Variants in SEMA6D observed in about 807,000 individuals in gnomAD.
SEMA6D encodes the protein semaphorin-6D.
SEMA6D carries 35 observed loss-of-function variants against 106.6 expected under a neutral mutation model. The ratio of observed to expected loss-of-function variants is 0.33; its 90% CI spans 0.25 to 0.44. The LOEUF is 0.44. Among genes scored for constraint, SEMA6D ranks in the 20% least tolerant of loss-of-function variants. The pLI, the probability that SEMA6D is intolerant of heterozygous loss-of-function variation, is 1.00. For synonymous variants in SEMA6D, 499 were observed against 487.7 expected, an observed-to-expected ratio of 1.02 and a Z score of -0.31; for missense variants, 1,185 against 1,345.9, an observed-to-expected ratio of 0.88 and a Z score of 1.87.
intron 3 of SEMA6D, among the ~76,000 whole-genome samples, chr15:47,563,578 A>G (rs955511095): frequency 6.6e-6 from 1 of 152,084 alleles, no homozygotes; most frequent in Non-Finnish European, 1.5e-5. Context: ...TTAGTTCCCA[A>G]TAGCACTTTA....
chr15:47,712,391 C>T (rs2079038438), intron 4 of SEMA6D, among the ~76,000 whole-genome samples: 1 of 152,120 alleles, frequency 6.6e-6, no homozygotes, highest in South Asian at 2.1e-4. Flanking sequence ...TCTAGGCTAC[C>T]ACCTACTAGG....
chr15:47,404,730 T>C (rs2040505042), intron 1 of SEMA6D, among the ~76,000 whole-genome samples: 1 of 152,208 alleles, frequency 6.6e-6, no homozygotes, highest in African/African-American at 2.4e-5. Flanking sequence ...GCTATTTTGC[T>C]AAAAGCGTGT....
At position 47,285,396 on chromosome 15, in the gene SEMA6D, T is replaced by C. The variant is rs753246919; in HGVS notation, c.-239+100978T>C. ...AAAAGAAAATGGGTAACAAACCTTG[T>C]TTCTTACTTTATTGGAGAGGAGTTC... is the stretch of plus-strand genomic sequence containing the variant. On this transcript the variant is annotated intron_variant, in intron 1 of 19. Transcript: ENST00000558014. Among the ~76,000 whole-genome samples the C allele has an allele frequency of 5.9e-5, 9 of 152,220 alleles. No homozygotes were observed. The South Asian group carries it at 1.2e-3, about 21-fold the overall frequency.
intron 3 of SEMA6D, among the ~76,000 whole-genome samples, chr15:47,600,465 C>G (rs1272752180): frequency 6.6e-6 from 1 of 152,132 alleles, no homozygotes; most frequent in Non-Finnish European, 1.5e-5. Context: ...ACAAATGTTT[C>G]TCTTATCTGT....
chr15:47,609,413 A>G (rs1168218961), intron 4 of SEMA6D, among the ~76,000 whole-genome samples: 1 of 152,184 alleles, frequency 6.6e-6, no homozygotes, highest in Non-Finnish European at 1.5e-5. Context: ...ATGTACAAAT[A>G]TGAGTCTACA....
At chr15:47,704,692 C>T (rs1337017696) in intron 4 of SEMA6D, among the ~76,000 whole-genome samples, 1 of 151,836 alleles carries the variant, frequency 6.6e-6, no homozygotes, top group Non-Finnish European at 1.5e-5. Flanking sequence ...GCACTCCAGC[C>T]TGGGCAACAG....
intron 1 of SEMA6D, among the ~76,000 whole-genome samples, chr15:47,213,188 T>C (rs2030210810): frequency 2.6e-5 from 4 of 152,188 alleles, no homozygotes; most frequent in South Asian, 2.1e-4. Context: ...TAGTGCTCAA[T>C]AGCCATGTGG....
chr15:47,587,629 G>A (rs2076365353), intron 3 of SEMA6D, among the ~76,000 whole-genome samples: 1 of 152,098 alleles, frequency 6.6e-6, no homozygotes, highest in Non-Finnish European at 1.5e-5. Flanking sequence ...AGGCTTTGAG[G>A]GCCATACATT....
At chr15:47,429,892 CA>C (rs1192956292) in intron 2 of SEMA6D, among the ~76,000 whole-genome samples, 1 of 152,002 alleles carries the variant, frequency 6.6e-6, no homozygotes, top group Non-Finnish European at 1.5e-5. Flanking sequence ...ACTGAGTGGC[CA>C]CCTGTGAAAA....
At chr15:47,300,746 T>C (rs974459265) in intron 1 of SEMA6D, among the ~76,000 whole-genome samples, 40 of 152,212 alleles carry the variant, frequency 2.6e-4, no homozygotes, top group African/African-American at 9.4e-4. Flanking sequence ...CCCTGGTCAC[T>C]CAGCAACTTT....
chr15:47,584,482 G>A (rs2076304215), intron 3 of SEMA6D, among the ~76,000 whole-genome samples: 1 of 152,100 alleles, frequency 6.6e-6, no homozygotes, highest in South Asian at 2.1e-4. Flanking sequence ...GAAATTTGCG[G>A]AGGTCAGAGC....
At chr15:47,547,336 ATTG>A in intron 3 of SEMA6D, among the ~76,000 whole-genome samples, 1 of 152,246 alleles carries the variant, frequency 6.6e-6, no homozygotes, top group African/African-American at 2.4e-5. Flanking sequence ...TCACAGGAAA[ATTG>A]TTGTGAGGCT....
In SEMA6D at chr15:47,271,123, T is replaced by C. The variant is rs555075842; in HGVS notation, c.-239+86705T>C. ...CACAAACCGGAATTGTATTATTTCA[T>C]GGTTTTTTGACAACTCCATACACCT... On this transcript the variant is annotated intron_variant, in intron 1 of 19. Coordinates refer to the SEMA6D transcript ENST00000558014. Among the ~76,000 whole-genome samples, 42 of 152,338 alleles carry C rather than the reference T, an allele frequency of 2.8e-4. 1 individual carries two copies. The highest frequency in any genetic ancestry group is 5.2e-4 in the Admixed American group (8 of 15,296).
At chr15:47,562,720 C>T (rs2046116324) in intron 3 of SEMA6D, among the ~76,000 whole-genome samples, 2 of 152,060 alleles carry the variant, frequency 1.3e-5, no homozygotes, top group African/African-American at 4.8e-5. Context: ...AACTTCATAC[C>T]TTGCTGGTGG....
At chr15:47,366,760 A>G (rs1435297015) in intron 1 of SEMA6D, among the ~76,000 whole-genome samples, 2 of 152,240 alleles carry the variant, frequency 1.3e-5, no homozygotes, top group Non-Finnish European at 2.9e-5. Flanking sequence ...CTCAGCGCTA[A>G]AAGCAATGGG....
rs2082324543 is a variant in SEMA6D, at chr15:47,766,127, C to A, written c.1591C>A (p.Pro531Thr). 3 of 1,613,630 alleles carry A rather than the reference C, an allele frequency of 1.9e-6. No homozygotes were observed. Among genetic ancestry groups the A allele is most frequent in the Non-Finnish European group, 2.5e-6 (3 of 1,179,736 alleles). The change falls in exon 15 of 19, where the codon CCG becomes ACG. Residue 531 changes from proline (P) to threonine (T), a missense_variant. By Grantham distance (38) the Pro-to-Thr change is conservative. Around this residue, in one of 3 missense-constraint regions of SEMA6D, gnomAD observed 750 missense variants for 783.5 expected, o/e 0.96. Transcript: ENST00000536845. ...CAGGTCTTGTATTGCATCTCGTGACCCGTATTGTGGCTGGTTAAGCCAGGG... is the reference window on the plus strand; with the variant it reads ...CAGGTCTTGTATTGCATCTCGTGACACGTATTGTGGCTGGTTAAGCCAGGG... ...CKKSCIASRD[P>T]YCGWLSQGSC...
Position 47,770,490 on chromosome 15 carries a change from AT to A in SEMA6D, c.1934-4del. On this transcript the variant is annotated splice_polypyrimidine_tract_variant and splice_region_variant and intron_variant, in intron 18 of 18. Transcript: ENST00000536845. ...CTTATTCACATTGTCCCATGTGTCT[AT>A]TTCAGGTGTACGATGGGAAGTCCAG... 1 of 1,576,392 alleles carries A rather than the reference AT, an allele frequency of 6.3e-7. No homozygotes were observed. The highest frequency in any genetic ancestry group is 8.6e-7 in the Non-Finnish European group (1 of 1,156,730).
At chr15:47,523,212 G>C (rs2044645032) in intron 3 of SEMA6D, among the ~76,000 whole-genome samples, 1 of 152,190 alleles carries the variant, frequency 6.6e-6, no homozygotes, top group Non-Finnish European at 1.5e-5. Flanking sequence ...GGCTCCTAGA[G>C]ATGGAAGAGT....
chr15:47,684,671 G>A (rs1474741453), intron 4 of SEMA6D, among the ~76,000 whole-genome samples: 3 of 152,160 alleles, frequency 2.0e-5, no homozygotes, highest in Non-Finnish European at 2.9e-5. Flanking sequence ...TACTATGCTA[G>A]CAGTTGCCCT....
Sources: allele counts gnomAD v4.1 joint callset (sites outside exome capture counted in the v4.1 genomes callset), GRCh38; gene constraint gnomAD v4.1.1; regional missense constraint gnomAD v4.1.1; transcripts MANE v1.5; gene names NCBI Gene and HGNC (gene_info 2026-07-23, HGNC 2026-07-21).